The following DLG2 variants were observed in gnomAD, a reference collection of about 807,000 sequenced individuals.
The protein encoded by DLG2 is discs large MAGUK scaffold protein 2.
DLG2 carries 45 observed loss-of-function variants against 132.5 expected under a neutral mutation model. The ratio of observed to expected loss-of-function variants is 0.34; its 90% CI spans 0.27 to 0.44. DLG2 has a LOEUF of 0.44. Among genes scored for constraint, DLG2 ranks in the 20% least tolerant of loss-of-function variants. The probability of loss-of-function intolerance (pLI) is 1.00; values close to 1 mark genes in which losing one functional copy is unlikely to be tolerated. For synonymous variants in DLG2, 424 were observed against 419.6 expected (o/e 1.01, Z -0.13); for missense variants, 1,045 against 1,196.9 (o/e 0.87, Z 1.87).
intron 4 of DLG2, among the ~76,000 whole-genome samples, chr11:85,240,658 C>A (rs1458712442): frequency 1.3e-5 from 2 of 151,758 alleles, no homozygotes; most frequent in Non-Finnish European, 2.9e-5. Context: ...TTGAATAGCT[C>A]TTCCCTTCTC....
chr11:85,115,123 T>C (rs149000702), intron 5 of DLG2, among the ~76,000 whole-genome samples: 2,951 of 151,922 alleles, frequency 0.019, 52 homozygotes, highest in Admixed American at 0.041. Flanking sequence ...AAGTATTGCA[T>C]GATAGAACTG....
chr11:84,052,639 C>T lies in DLG2; in HGVS notation c.919+6676G>A, dbSNP rs562522542. 1.9e-4 allele frequency among the ~76,000 whole-genome samples: 27 copies of T among 141,646 alleles called. 1 individual carries two copies. Among genetic ancestry groups the T allele is most frequent in the African/African-American group, 6.2e-4 (23 of 36,880 alleles). The allele number at this position is 141,646 out of a possible 152,430, so 92.9% of individuals were successfully genotyped here. On this transcript the variant is annotated intron_variant, in intron 11 of 27. Transcript: ENST00000376104. ...ATCAGAGAAATGCAAATTAAAACCA[C>T]AATGAGATACCATCTCACACCAGCT...
intron 12 of DLG2, among the ~76,000 whole-genome samples, chr11:83,972,183 G>A (rs960911325): frequency 6.6e-6 from 1 of 151,998 alleles, no homozygotes; most frequent in Non-Finnish European, 1.5e-5. Context: ...TTCTAGAAAC[G>A]AAGGCAACTT....
At chr11:84,859,421 CATAT>C (rs1163138933) in intron 6 of DLG2, among the ~76,000 whole-genome samples, 1 of 140,362 alleles carries the variant, frequency 7.1e-6, no homozygotes, top group Non-Finnish European at 1.5e-5. Context: ...TATATGTATA[CATAT>C]ACATATATAT....
intron 6 of DLG2, among the ~76,000 whole-genome samples, chr11:85,007,516 A>T (rs1294136731): frequency 6.6e-6 from 1 of 151,650 alleles, no homozygotes; most frequent in Admixed American, 6.6e-5. Context: ...CACAAAAAAA[A>T]TTAGCCGGGC....
chr11:84,339,091 G>A (rs977601595), intron 7 of DLG2, among the ~76,000 whole-genome samples: 4 of 152,034 alleles, frequency 2.6e-5, no homozygotes, highest in Admixed American at 1.3e-4. Flanking sequence ...ATATTATAAA[G>A]GGTTTTAGCG....
Position 85,068,461 on chromosome 11 carries a change from T to C in DLG2, c.357+43200A>G, listed in dbSNP as rs537652428. 7.2e-5 allele frequency among the ~76,000 whole-genome samples: 11 copies of C among 152,252 alleles called. 1 individual carries two copies. Among genetic ancestry groups the C allele is most frequent in the African/African-American group, 2.4e-4 (10 of 41,564 alleles). The stretch of plus-strand genomic sequence containing the variant: ...AGGCAACTTCAGCAAAGTCTCAGGA[T>C]ACAAAATCAATGTGCAAAAATCACA... On this transcript the variant is annotated intron_variant, in intron 6 of 27. Transcript: ENST00000376104.
intron 5 of DLG2, among the ~76,000 whole-genome samples, chr11:85,127,258 C>T (rs2075234810): frequency 8.9e-6 from 1 of 111,984 alleles, no homozygotes; most frequent in African/African-American, 3.5e-5. Flanking sequence ...CACCCACTCT[C>T]TCTTTCTATC....
At chr11:84,436,146 G>A (rs1567628569) in intron 7 of DLG2, among the ~76,000 whole-genome samples, 1 of 152,074 alleles carries the variant, frequency 6.6e-6, no homozygotes, top group Non-Finnish European at 1.5e-5. Flanking sequence ...GGGCTATATA[G>A]AGTGGAGAAG....
chr11:84,179,313 C>G (rs961486744), intron 8 of DLG2, among the ~76,000 whole-genome samples: 1 of 152,074 alleles, frequency 6.6e-6, no homozygotes. Flanking sequence ...ACTGAAAAAT[C>G]AACAACTATT....
intron 16 of DLG2, among the ~76,000 whole-genome samples, chr11:83,851,176 CAAAAA>C (rs34436884): frequency 7.7e-6 from 1 of 129,994 alleles, no homozygotes; most frequent in Admixed American, 7.6e-5. Context: ...GACTCCGTCT[CAAAAA>C]AAAAAAAAAA....
At chr11:84,670,483 C>T (rs925560819) in intron 6 of DLG2, among the ~76,000 whole-genome samples, 1 of 152,122 alleles carries the variant, frequency 6.6e-6, no homozygotes, top group Non-Finnish European at 1.5e-5. Context: ...TGATGGGATG[C>T]TAGTGTGTCC....
chr11:84,335,727 C>T (rs539157483), intron 7 of DLG2, among the ~76,000 whole-genome samples: 72 of 152,326 alleles, frequency 4.7e-4, no homozygotes, highest in South Asian at 1.2e-3. Flanking sequence ...TAACCTCTTT[C>T]AGCCTCATCT....
chr11:83,757,757 G>A (rs1022205255), intron 18 of DLG2, among the ~76,000 whole-genome samples: 5 of 152,100 alleles, frequency 3.3e-5, no homozygotes, highest in South Asian at 4.1e-4. Flanking sequence ...ACTCATACAT[G>A]CACATTCCCT....
At chr11:85,500,588 A>C (rs984267853) in intron 3 of DLG2, among the ~76,000 whole-genome samples, 2 of 135,588 alleles carry the variant, frequency 1.5e-5, no homozygotes, top group African/African-American at 2.6e-5. Flanking sequence ...AAAGTTACAA[A>C]ATCAAAGTGT....
intron 3 of DLG2, among the ~76,000 whole-genome samples, chr11:85,591,573 T>C (rs2079340310): frequency 6.6e-6 from 1 of 151,966 alleles, no homozygotes. Flanking sequence ...ACCCCGTCTC[T>C]ACTAAAAAAA....
At chr11:83,752,272 G>GAA (rs1208797362) in intron 18 of DLG2, among the ~76,000 whole-genome samples, 4 of 104,686 alleles carry the variant, frequency 3.8e-5, no homozygotes, top group Non-Finnish European at 2.1e-5. Context: ...TGTCTCAAAA[G>GAA]AAAAAAAAAA....
At chr11:84,666,416 C>A (rs1457912065) in intron 6 of DLG2, among the ~76,000 whole-genome samples, 1 of 152,112 alleles carries the variant, frequency 6.6e-6, no homozygotes, top group Admixed American at 6.6e-5. Flanking sequence ...TTGACAGCCT[C>A]TCTTTAATCA....
At chr11:85,371,981 GGAGA>G (rs2085018525) in intron 3 of DLG2, among the ~76,000 whole-genome samples, 1 of 152,120 alleles carries the variant, frequency 6.6e-6, no homozygotes, top group South Asian at 2.1e-4. Context: ...AATGAGAACT[GGAGA>G]GAGAGAAATT....
Sources: gnomAD v4.1 joint callset for allele counts (sites outside exome capture counted in the v4.1 genomes callset) on GRCh38, gnomAD v4.1.1 for gene constraint, MANE v1.5 for transcripts, NCBI Gene and HGNC (gene_info 2026-07-23, HGNC 2026-07-21) for gene names.